PAPPA2: variants seen among roughly 807,000 people sequenced by gnomAD.
PAPPA2 encodes the protein pappalysin-2.
PAPPA2 carries 86 observed loss-of-function variants against 176.4 expected under a neutral mutation model. The observed-to-expected ratio is 0.49, with a 90% confidence interval of 0.41 to 0.58. PAPPA2 has a LOEUF of 0.58. PAPPA2 is among the 20% of genes least tolerant of loss of function. PAPPA2 has a pLI of 0.00. For synonymous variants in PAPPA2, 809 were observed against 852.2 expected (o/e 0.95, Z 0.88); for missense variants, 2,073 against 2,256.9 (o/e 0.92, Z 1.65).
At chr1:176,791,099 A>T (rs936587390) in intron 18 of PAPPA2, among the ~76,000 whole-genome samples, 2 of 152,042 alleles carry the variant, frequency 1.3e-5, no homozygotes, top group African/African-American at 4.8e-5. Context: ...ATATAAAGGA[A>T]AATACATTGT....
At chr1:176,783,424 G>A (rs537237435) in intron 17 of PAPPA2, among the ~76,000 whole-genome samples, 5 of 152,290 alleles carry the variant, frequency 3.3e-5, no homozygotes, top group African/African-American at 4.8e-5. Context: ...GACTATGTGT[G>A]CCTCAAGCAA....
intron 1 of PAPPA2, among the ~76,000 whole-genome samples, chr1:176,503,161 C>T (rs528878320): frequency 6.6e-6 from 1 of 152,240 alleles, no homozygotes; most frequent in Admixed American, 6.5e-5. Flanking sequence ...ACTCCACCAT[C>T]CAGACACTGT....
chr1:176,762,855 G>C (rs1372744219), intron 14 of PAPPA2, among the ~76,000 whole-genome samples: 3 of 152,036 alleles, frequency 2.0e-5, no homozygotes, highest in African/African-American at 4.8e-5. Flanking sequence ...TCTCATAATG[G>C]ATACTTCATC....
chr1:176,769,114 T>G (rs958125379), intron 15 of PAPPA2, among the ~76,000 whole-genome samples: 3 of 152,172 alleles, frequency 2.0e-5, no homozygotes. Context: ...GAGCAGAAAC[T>G]GTGTAGAGCA....
At chr1:176,629,284 C>A (rs1421169113) in intron 3 of PAPPA2, among the ~76,000 whole-genome samples, 2 of 152,072 alleles carry the variant, frequency 1.3e-5, no homozygotes, top group African/African-American at 4.8e-5. Context: ...AAAAAGGTAG[C>A]CTTATCATCA....
At chr1:176,732,885 C>G (rs938269525) in intron 12 of PAPPA2, among the ~76,000 whole-genome samples, 1 of 152,138 alleles carries the variant, frequency 6.6e-6, no homozygotes, top group African/African-American at 2.4e-5. Flanking sequence ...CAGTACTGGT[C>G]CGTAGCCTGT....
At chr1:176,791,055 A>G (rs1384179678) in intron 18 of PAPPA2, among the ~76,000 whole-genome samples, 2 of 152,088 alleles carry the variant, frequency 1.3e-5, no homozygotes, top group Non-Finnish European at 2.9e-5. Flanking sequence ...CTCTGAATAT[A>G]TGAGCTTCGG....
At chr1:176,631,112 A>C (rs895869727) in intron 3 of PAPPA2, among the ~76,000 whole-genome samples, 1 of 152,226 alleles carries the variant, frequency 6.6e-6, no homozygotes, top group Non-Finnish European at 1.5e-5. Context: ...CTGGGAGGCT[A>C]TGTAGTCCCA....
intron 4 of PAPPA2, among the ~76,000 whole-genome samples, chr1:176,688,128 T>A (rs1036037033): frequency 5.9e-5 from 9 of 152,202 alleles, no homozygotes; most frequent in African/African-American, 2.2e-4. Context: ...TTTCTGAAGA[T>A]TAGTTTTATT....
chr1:176,635,668 A>G (rs1447090097), intron 3 of PAPPA2, among the ~76,000 whole-genome samples: 3 of 152,116 alleles, frequency 2.0e-5, no homozygotes, highest in Non-Finnish European at 2.9e-5. Flanking sequence ...TTGGCTTGGA[A>G]ATTAATTCTT....
chr1:176,826,514 C>T (rs1284695498), intron 21 of PAPPA2, among the ~76,000 whole-genome samples: 1 of 152,104 alleles, frequency 6.6e-6, no homozygotes, highest in Non-Finnish European at 1.5e-5. Context: ...GATGGACCAA[C>T]CAGTTGGGGG....
chr1:176,623,758 C>CTTTTCTTTCTTTCTTT (rs1553376002), intron 3 of PAPPA2, among the ~76,000 whole-genome samples: 1 of 59,042 alleles, frequency 1.7e-5, no homozygotes, highest in East Asian at 4.1e-4. Flanking sequence ...TTCCTTCCTT[C>CTTTTCTTTCTTTCTTT]CTTTCTTTCT....
intron 12 of PAPPA2, among the ~76,000 whole-genome samples, chr1:176,730,591 T>C (rs1288989565): frequency 7.1e-6 from 1 of 141,234 alleles, no homozygotes; most frequent in Non-Finnish European, 1.5e-5. Context: ...TTCTCGTTTT[T>C]GTTTTTTGTT....
intron 3 of PAPPA2, among the ~76,000 whole-genome samples, chr1:176,609,863 A>G (rs1654814493): frequency 6.6e-6 from 1 of 152,216 alleles, no homozygotes; most frequent in Admixed American, 6.5e-5. Flanking sequence ...GATATTTCAT[A>G]AGTGGAAGTG....
intron 4 of PAPPA2, among the ~76,000 whole-genome samples, chr1:176,686,301 G>C (rs1255020611): frequency 1.3e-5 from 2 of 152,144 alleles, no homozygotes; most frequent in African/African-American, 2.4e-5. Flanking sequence ...TCTTCACAGT[G>C]GGGCAGGAAA....
chr1:176,554,803 A>G (rs1357932938), intron 1 of PAPPA2, among the ~76,000 whole-genome samples: 3 of 152,172 alleles, frequency 2.0e-5, no homozygotes, highest in Non-Finnish European at 4.4e-5. Context: ...CCTTTCTCCC[A>G]TGTCCGATTT....
At chr1:176,519,360 G>A (rs1649090959) in intron 1 of PAPPA2, among the ~76,000 whole-genome samples, 1 of 152,148 alleles carries the variant, frequency 6.6e-6, no homozygotes, top group Admixed American at 6.5e-5. Context: ...TACAGAGTCT[G>A]AGAATGAGTT....
chr1:176,464,102 C>G (rs949915797), intron 1 of PAPPA2, among the ~76,000 whole-genome samples: 1 of 152,156 alleles, frequency 6.6e-6, no homozygotes, highest in Non-Finnish European at 1.5e-5. Context: ...AAACTGTGGA[C>G]TATGATCTAA....
At chr1:176,733,714 A>G (rs1402521512) in intron 12 of PAPPA2, among the ~76,000 whole-genome samples, 2 of 152,066 alleles carry the variant, frequency 1.3e-5, no homozygotes, top group East Asian at 3.9e-4. Context: ...CCTTTTCTCA[A>G]TGTCAGGCTT....
Sources: allele counts gnomAD v4.1 joint callset (sites outside exome capture counted in the v4.1 genomes callset), GRCh38; gene constraint gnomAD v4.1.1; transcripts MANE v1.5; gene names NCBI Gene and HGNC (gene_info 2026-07-23, HGNC 2026-07-21).